LPAR1: variants seen among roughly 807,000 people sequenced by gnomAD.
LPAR1 encodes LPA receptor 1.
In LPAR1, 5 loss-of-function variants were observed where a neutral mutation model predicts 23.8. The ratio of observed to expected loss-of-function variants is 0.21; its 90% CI spans 0.11 to 0.44. The LOEUF (loss-of-function observed/expected upper bound fraction) is 0.44, where lower values mean the gene tolerates loss of function less well. Ranked by LOEUF, LPAR1 falls within the 20% of genes least tolerant of loss-of-function variation. The pLI, the probability that LPAR1 is intolerant of heterozygous loss-of-function variation, is 0.99. For missense variants in LPAR1, 311 were observed against 482.8 expected (o/e 0.64, Z 3.33); for synonymous variants, 160 against 164.7 (o/e 0.97, Z 0.22).
intron 2 of LPAR1, among the ~76,000 whole-genome samples, chr9:110,977,272 G>T (rs10980669): frequency 6.6e-6 from 1 of 151,916 alleles, no homozygotes; most frequent in Non-Finnish European, 1.5e-5. Flanking sequence ...AAGGGCTCCT[G>T]GCTTCAGAGG....
At chr9:110,930,840 G>A (rs10980638) in intron 5 of LPAR1, among the ~76,000 whole-genome samples, 28,096 of 151,918 alleles carry the variant, frequency 0.18, 3,613 homozygotes, top group East Asian at 0.6. Flanking sequence ...TCTTGAACCC[G>A]GGAGGCAGAT....
intron 2 of LPAR1, among the ~76,000 whole-genome samples, chr9:111,024,368 C>CAT (rs1198419924): frequency 1.8e-4 from 27 of 147,554 alleles, no homozygotes; most frequent in African/African-American, 2.7e-4. Flanking sequence ...TGCTGGGCAT[C>CAT]ATATATATAC....
chr9:110,961,217 A>G (rs202041636), intron 4 of LPAR1, among the ~76,000 whole-genome samples: 320 of 6,352 alleles, frequency 0.05, 1 homozygote, highest in African/African-American at 0.14. Flanking sequence ...TTTTAAGGGG[A>G]AAAAAAAAAA....
At chr9:111,003,129 T>C (rs1253610903) in intron 2 of LPAR1, among the ~76,000 whole-genome samples, 1 of 152,172 alleles carries the variant, frequency 6.6e-6, no homozygotes, top group Non-Finnish European at 1.5e-5. Flanking sequence ...AATTAAACAG[T>C]TTTATTATGA....
At chr9:110,912,908 A>G (rs2092638819) in intron 5 of LPAR1, among the ~76,000 whole-genome samples, 1 of 152,174 alleles carries the variant, frequency 6.6e-6, no homozygotes, top group Non-Finnish European at 1.5e-5. Flanking sequence ...AGCTAAACAG[A>G]GCAACTGGTC....
intron 2 of LPAR1, among the ~76,000 whole-genome samples, chr9:111,024,708 AC>A (rs2097652817): frequency 1.4e-5 from 2 of 145,360 alleles, no homozygotes; most frequent in Non-Finnish European, 3.0e-5. Context: ...CTTGTCCCCC[AC>A]CCCCCAACAG....
At position 110,941,022 on chromosome 9, in the gene LPAR1, A is replaced by T. The variant is rs2095063909; in HGVS notation, c.793+399T>A. 6.6e-6 allele frequency among the ~76,000 whole-genome samples: 1 copy of T among 152,222 alleles called. No homozygotes were observed. The highest frequency in any genetic ancestry group is 1.5e-5 in the Non-Finnish European group (1 of 68,034). Reference sequence around the variant, plus strand: ...ACTAACAAAAATAACTATATATGGAAGCATATTCATATTCTACAAAAGCAC... The same window carrying T: ...ACTAACAAAAATAACTATATATGGATGCATATTCATATTCTACAAAAGCAC... On this transcript the variant is annotated intron_variant, in intron 5 of 5. Coordinates refer to ENST00000683809, the MANE Select transcript of LPAR1 (RefSeq NM_001351411.2). The surrounding 1 kb of genome is among the most constrained non-coding windows in gnomAD (Gnocchi z 6.1).
intron 2 of LPAR1, among the ~76,000 whole-genome samples, chr9:111,004,635 C>T (rs961721315): frequency 1.2e-4 from 18 of 152,130 alleles, no homozygotes; most frequent in African/African-American, 4.3e-4. Flanking sequence ...TCTTATCCAA[C>T]TTTGTGATAG....
Position 110,897,009 on chromosome 9 carries a change from G to C in LPAR1, c.794-21287C>G, listed in dbSNP as rs555599356. Among the ~76,000 whole-genome samples, 6 of 152,072 alleles carry C rather than the reference G, an allele frequency of 3.9e-5. 1 individual carries two copies. The highest frequency in any genetic ancestry group is 8.8e-5 in the Non-Finnish European group (6 of 67,978). ...TCACCGTGTTAGCCAGGATGGTCTC[G>C]ATCTCCTGACCTCATGATCTGCCCA... On this transcript the variant is annotated intron_variant, in intron 5 of 5. Coordinates refer to ENST00000683809, the MANE Select transcript of LPAR1 (RefSeq NM_001351411.2).
intron 4 of LPAR1, among the ~76,000 whole-genome samples, chr9:110,971,720 C>T (rs2138213451): frequency 6.7e-6 from 1 of 149,430 alleles, no homozygotes; most frequent in South Asian, 2.1e-4. Flanking sequence ...TTCATTAAAC[C>T]CCACCCCACC....
chr9:110,945,136 G>T (rs933943012), intron 4 of LPAR1, among the ~76,000 whole-genome samples: 4 of 152,172 alleles, frequency 2.6e-5, no homozygotes, highest in African/African-American at 9.7e-5. Flanking sequence ...CAGGTCAAAA[G>T]AATAAGCAGT....
At chr9:110,881,908 ATC>A (rs1289218697) in intron 5 of LPAR1, among the ~76,000 whole-genome samples, 1 of 152,096 alleles carries the variant, frequency 6.6e-6, no homozygotes, top group Non-Finnish European at 1.5e-5. Context: ...AGTTTCTTGG[ATC>A]TCATCTCTTT....
At chr9:110,927,247 T>TA (rs1289458916) in intron 5 of LPAR1, among the ~76,000 whole-genome samples, 1 of 151,716 alleles carries the variant, frequency 6.6e-6, no homozygotes, top group East Asian at 1.9e-4. Flanking sequence ...TTTTTTTTTT[T>TA]AATTTGGGTC....
intron 2 of LPAR1, among the ~76,000 whole-genome samples, chr9:111,024,544 G>GTGTA (rs2097647445): frequency 9.3e-6 from 1 of 108,038 alleles, no homozygotes; most frequent in African/African-American, 3.2e-5. Context: ...GTGTGTGTGT[G>GTGTA]TATATATATA....
chr9:111,016,611 C>T (rs1588878807), intron 2 of LPAR1, among the ~76,000 whole-genome samples: 1 of 152,222 alleles, frequency 6.6e-6, no homozygotes. Flanking sequence ...GCTTAAAGCA[C>T]AGGAACCCAC....
chr9:110,997,499 A>G (rs993299637), intron 2 of LPAR1, among the ~76,000 whole-genome samples: 5 of 152,180 alleles, frequency 3.3e-5, no homozygotes, highest in African/African-American at 1.2e-4. Context: ...AAATATTAAT[A>G]TGGCTATTTC....
intron 4 of LPAR1, among the ~76,000 whole-genome samples, chr9:110,942,444 T>C (rs2095170265): frequency 6.6e-6 from 1 of 152,230 alleles, no homozygotes. Context: ...AAAAGCCACA[T>C]GGCCAAGAAA....
At chr9:110,945,422 G>A (rs943331732) in intron 4 of LPAR1, 4 of 151,886 alleles carry the variant, frequency 2.6e-5, no homozygotes, top group Non-Finnish European at 5.9e-5. Context: ...TGTATGGGAG[G>A]GGAAAAAAAG....
rs575088291 is a variant in LPAR1, at chr9:110,903,946, G to A, written c.794-28224C>T. On this transcript the variant is annotated intron_variant, in intron 5 of 5. Coordinates refer to ENST00000683809, the MANE Select transcript of LPAR1 (RefSeq NM_001351411.2). The stretch of plus-strand genomic sequence containing the variant: ...GAGAGCAACAACACATTACCTATTA[G>A]GGAACATCAACTCCAATAACAGCAA... Among the ~76,000 whole-genome samples the A allele has an allele frequency of 3.3e-4, 47 of 143,994 alleles. 1 individual carries two copies. The East Asian group carries it at 8.6e-3, about 26-fold the overall frequency. 94.5% of individuals were successfully genotyped at this position (143,994 alleles called of 152,430 possible). A position where few individuals can be genotyped will look rare whatever the true frequency, so the allele number is the denominator to read the frequency against.
Sources: gnomAD v4.1 joint callset for allele counts (sites outside exome capture counted in the v4.1 genomes callset) on GRCh38, gnomAD v4.1.1 for gene constraint, Gnocchi (gnomAD v3.1) non-coding constraint, MANE v1.5 for transcripts, NCBI Gene and HGNC (gene_info 2026-07-23, HGNC 2026-07-21) for gene names.